Variants in CFAP221 observed in about 807,000 individuals in gnomAD.
CFAP221 encodes the protein cilia and flagella associated protein 221.
In CFAP221, 97 loss-of-function variants were observed where a neutral mutation model predicts 113.1. That is an observed-to-expected ratio of 0.86 (90% CI 0.73 to 1.02). The LOEUF is 1.02. CFAP221 is among the 50% of genes least tolerant of loss of function. The pLI is 0.00. For missense variants in CFAP221, 1,025 were observed against 1,013.4 expected (o/e 1.01, Z -0.16); for synonymous variants, 331 against 354.4 (o/e 0.93, Z 0.74).
chr2:119,639,905 T>C (rs1479369606), intron 21 of CFAP221, 33 bp downstream of exon 21: 7 of 1,551,206 alleles, frequency 4.5e-6, no homozygotes, highest in Non-Finnish European at 6.2e-6. Flanking sequence ...CTCACGAGTA[T>C]GTGTGCCCCA....
At position 119,604,888 on chromosome 2, in the gene CFAP221, CA is replaced by C. The variant is rs1285432967; in HGVS notation, c.926del (p.Gln309ArgfsTer7). 1 of 1,613,888 alleles carries C rather than the reference CA, an allele frequency of 6.2e-7. No homozygotes were observed. The highest frequency in any genetic ancestry group is 8.5e-7 in the Non-Finnish European group (1 of 1,179,972). Reference sequence around the variant, plus strand: ...TTTGGTCTCTTAGGAAATTGAGTACCAGAACCTCAGATTTCCAGTAGATTTA... The same window carrying C: ...TTTGGTCTCTTAGGAAATTGAGTACCGAACCTCAGATTTCCAGTAGATTTA... ...KPQKVKEIEY[Q>X]NLRFPVDLSN... On this transcript the variant is annotated frameshift_variant, in exon 10 of 24. Transcript: ENST00000413369. LOFTEE classifies it high-confidence loss of function.
At position 119,608,497 on chromosome 2, in the gene CFAP221, C is replaced by A. The variant is rs1412301667; in HGVS notation, c.1134-5C>A. Reference sequence around the variant, plus strand: ...CTGGACACAGTTTTTTTTTTTTCTCCCCAGGCAGGTGCACCTTGGTAAAGA... The same window carrying A: ...CTGGACACAGTTTTTTTTTTTTCTCACCAGGCAGGTGCACCTTGGTAAAGA... On this transcript the variant is annotated splice_polypyrimidine_tract_variant and splice_region_variant and intron_variant, in intron 11 of 23. Transcript: ENST00000413369. 2 of 1,575,622 alleles carry A rather than the reference C, an allele frequency of 1.3e-6. No homozygotes were observed. Among genetic ancestry groups the A allele is most frequent in the Non-Finnish European group, 1.7e-6 (2 of 1,163,534 alleles).
intron 6 of CFAP221, among the ~76,000 whole-genome samples, chr2:119,563,436 C>T (rs950413026): frequency 6.6e-6 from 1 of 152,128 alleles, no homozygotes; most frequent in Non-Finnish European, 1.5e-5. Flanking sequence ...TGTATAATGG[C>T]CATGCCAGTT....
chr2:119,657,835 T>G (rs1688489992), downstream of CFAP221, among the ~76,000 whole-genome samples: 1 of 152,176 alleles, frequency 6.6e-6, no homozygotes, highest in Admixed American at 6.5e-5. Flanking sequence ...TTCCCAAGAC[T>G]AGGGTGAGGT....
intron 13 of CFAP221, among the ~76,000 whole-genome samples, 183 bp downstream of exon 13, chr2:119,611,925 G>T (rs1685192856): frequency 6.6e-6 from 1 of 152,154 alleles, no homozygotes; most frequent in South Asian, 2.1e-4. Context: ...TGTAATTCAT[G>T]TTTCTCTTGA....
intron 7 of CFAP221, among the ~76,000 whole-genome samples, chr2:119,590,946 C>T (rs1415500874): frequency 3.9e-5 from 6 of 152,098 alleles, no homozygotes; most frequent in Non-Finnish European, 7.3e-5. Context: ...AGCGCAGGCC[C>T]CCATAAAATG....
At chr2:119,608,664 G>C (rs1321556661) in intron 12 of CFAP221, 75 bp downstream of exon 12, 1 of 1,281,002 alleles carries the variant, frequency 7.8e-7, no homozygotes, top group Admixed American at 1.9e-5. Context: ...CAAGATGCCA[G>C]GTGGAGGAAA....
At chr2:119,654,628 G>A (rs531534309) in intron 23 of CFAP221, among the ~76,000 whole-genome samples, 32 of 152,016 alleles carry the variant, frequency 2.1e-4, no homozygotes, top group Non-Finnish European at 3.4e-4. Flanking sequence ...CATTTTTTAC[G>A]TATTTTTAGT....
intron 21 of CFAP221, among the ~76,000 whole-genome samples, chr2:119,645,976 C>T (rs1199140024): frequency 5.9e-5 from 9 of 152,060 alleles, no homozygotes; most frequent in Non-Finnish European, 4.4e-5. Context: ...TGGAAGGAGT[C>T]GAGACCCCAA....
At chr2:119,555,707 C>T (rs1680746087) in intron 3 of CFAP221, among the ~76,000 whole-genome samples, 1 of 152,152 alleles carries the variant, frequency 6.6e-6, no homozygotes, top group African/African-American at 2.4e-5. Flanking sequence ...GAGCCCTAGC[C>T]CAGAGCTGGA....
chr2:119,632,038 A>G (rs1218568767), intron 19 of CFAP221, among the ~76,000 whole-genome samples: 1 of 152,142 alleles, frequency 6.6e-6, no homozygotes. Context: ...CCACAAAGAA[A>G]CCTCCAGGCC....
chr2:119,656,001 G>T, intron 23 of CFAP221: 1 of 236,550 alleles, frequency 4.2e-6, no homozygotes, highest in South Asian at 6.4e-5. Flanking sequence ...AGCCAGCATT[G>T]ACTGAGCACT....
intron 14 of CFAP221, among the ~76,000 whole-genome samples, chr2:119,623,089 G>T (rs2104738861): frequency 6.6e-6 from 1 of 152,310 alleles, no homozygotes; most frequent in African/African-American, 2.4e-5. Flanking sequence ...TCTCTTTGCA[G>T]ATGACATGAT....
chr2:119,614,064 G>A (rs895114924), intron 13 of CFAP221, among the ~76,000 whole-genome samples: 1 of 152,142 alleles, frequency 6.6e-6, no homozygotes, highest in Non-Finnish European at 1.5e-5. Flanking sequence ...GATCTCTAGG[G>A]CAGGGGCAAA....
chr2:119,551,323 A>G (rs1173115980), intron 3 of CFAP221, among the ~76,000 whole-genome samples: 1 of 152,210 alleles, frequency 6.6e-6, no homozygotes, highest in Non-Finnish European at 1.5e-5. Flanking sequence ...CCATACCACA[A>G]ATTTAGGGTA....
intron 21 of CFAP221, among the ~76,000 whole-genome samples, chr2:119,640,911 C>T (rs1477015103): frequency 6.6e-6 from 1 of 152,192 alleles, no homozygotes; most frequent in Non-Finnish European, 1.5e-5. Flanking sequence ...GTCAGTAAGA[C>T]AAGGGGATTG....
intron 6 of CFAP221, among the ~76,000 whole-genome samples, chr2:119,567,896 T>C (rs994535712): frequency 6.6e-6 from 1 of 152,114 alleles, no homozygotes; most frequent in Non-Finnish European, 1.5e-5. Flanking sequence ...TAACCATGTA[T>C]TTTATGTGAT....
intron 14 of CFAP221, among the ~76,000 whole-genome samples, chr2:119,623,915 C>T (rs1312167257): frequency 2.0e-5 from 3 of 152,038 alleles, no homozygotes; most frequent in African/African-American, 4.8e-5. Flanking sequence ...CCATAAAAAC[C>T]CTGGAAGAAA....
intron 7 of CFAP221, 103 bp downstream of exon 7, chr2:119,587,325 C>T: frequency 1.4e-6 from 1 of 713,424 alleles, no homozygotes; most frequent in Middle Eastern, 2.5e-4. Context: ...CATAACTGAC[C>T]TGATGTAAAA....
Sources: allele counts gnomAD v4.1 joint callset (sites outside exome capture counted in the v4.1 genomes callset), GRCh38; gene constraint gnomAD v4.1.1; transcripts MANE v1.5; gene names NCBI Gene and HGNC (gene_info 2026-07-23, HGNC 2026-07-21).